The following PGC variants were observed in gnomAD, a reference collection of about 807,000 sequenced individuals.
PGC encodes gastricsin.
PGC carries 31 observed loss-of-function variants against 45.9 expected under a neutral mutation model. The ratio of observed to expected loss-of-function variants is 0.67; its 90% CI spans 0.51 to 0.91. The LOEUF is 0.91. PGC is among the 40% of genes least tolerant of loss of function. The probability of loss-of-function intolerance (pLI) is 0.00; values close to 1 mark genes in which losing one functional copy is unlikely to be tolerated. For missense variants in PGC, 477 were observed against 493.2 expected (o/e 0.97, Z 0.31); for synonymous variants, 192 against 201.8 (o/e 0.95, Z 0.41).
At chr6:41,740,269 G>A (rs1310935595) in intron 6 of PGC, among the ~76,000 whole-genome samples, 1 of 152,190 alleles carries the variant, frequency 6.6e-6, no homozygotes, top group Non-Finnish European at 1.5e-5. Context: ...ATGTTCGGGA[G>A]TCCAGGTCCT....
intron 8 of PGC, 87 bp downstream of exon 8, chr6:41,737,643 A>G: frequency 1.3e-6 from 1 of 772,074 alleles, no homozygotes; most frequent in Non-Finnish European, 2.3e-6. Context: ...AAAATGGCAC[A>G]AGGCAGGAGA....
At position 41,740,603 on chromosome 6, in the gene PGC, C is replaced by G. The variant is rs530427145; in HGVS notation, c.655G>C (p.Gly219Arg). 2 of 1,598,452 alleles carry G rather than the reference C, an allele frequency of 1.3e-6. No individual in the cohort carries two copies. Among genetic ancestry groups the G allele is most frequent in the South Asian group, 2.2e-5 (2 of 88,998 alleles). ...VFSVYLSNQQ[G>R]SSGGAVVFGG... is the part of the protein sequence containing the mutation. ...AAGACAACCGCTCCCCCGCTGGAGC[C>G]CTGCTGGCTGCAGGAGAGAAAGGGA... Residue 219 changes from glycine to arginine, a missense_variant, in exon 6 of 9, where the codon GGC becomes CGC. Transcript: ENST00000373025.
In PGC at chr6:41,736,977, C is replaced by T; in HGVS notation, c.1042G>A (p.Glu348Lys). 11 of 1,613,838 alleles carry T rather than the reference C, an allele frequency of 6.8e-6. No individual in the cohort carries two copies. Among genetic ancestry groups the T allele is most frequent in the East Asian group, 2.2e-5 (1 of 44,876 alleles). ...SNNGYCTVGV[E>K]PTYLSSQNGQ... ...TTCTGGGAGGACAGGTAGGTGGGCT[C>T]GACTCCCACGGTGCAGTAGCCGTTG... is the stretch of plus-strand genomic sequence containing the variant. Residue 348 changes from glutamate to lysine, a missense_variant, in exon 9 of 9, where the codon GAG becomes AAG. Transcript: ENST00000373025.
In PGC at chr6:41,740,996, A is replaced by G. The variant is rs935367536; in HGVS notation, c.648-386T>C. ...CGCCTCAGGCTCCCGAATGATGCTG[A>G]CTTCTGGGGGGTCCCCTAGTGGTTG... On this transcript the variant is annotated intron_variant, in intron 5 of 8. Transcript: ENST00000373025. 13 of 1,528,824 alleles carry G rather than the reference A, an allele frequency of 8.5e-6. No individual in the cohort carries two copies. In the Admixed American group the frequency reaches 2.3e-4, roughly 27 times the overall value. The allele number at this position is 1,528,824 out of a possible 1,614,324, so 94.7% of individuals were successfully genotyped here.
In PGC at chr6:41,737,657, A is replaced by G. The variant is rs116237306; in HGVS notation, c.1014+73T>C. ...GAAAATGGCACAAGGCAGGAGACCC[A>G]GCATTTCTGGCTCCCCAGCCCTTCC... On this transcript the variant is annotated intron_variant, in intron 8 of 8. Coordinates refer to ENST00000373025, the MANE Select transcript of PGC (RefSeq NM_002630.4). The G allele has an allele frequency of 3.6e-3, 3,111 of 864,026 alleles. 65 individuals carry two copies. In the African/African-American group the frequency reaches 0.044, roughly 12 times the overall value. The allele number at this position is 864,026 out of a possible 1,614,324, so 53.5% of individuals were successfully genotyped here. A position where few individuals can be genotyped will look rare whatever the true frequency, so the allele number is the denominator to read the frequency against.
intron 5 of PGC, chr6:41,741,878 A>T (rs80039733): frequency 0.042 from 61,983 of 1,476,246 alleles, 1,572 homozygotes; most frequent in South Asian, 0.078. Flanking sequence ...GAAGCAATAC[A>T]TTACTATGCA....
At position 41,736,920 on chromosome 6, in the gene PGC, A is replaced by G; in HGVS notation, c.1099T>C (p.Phe367Leu). 1 of 1,614,108 alleles carries G rather than the reference A, an allele frequency of 6.2e-7. No homozygotes were observed. Among genetic ancestry groups the G allele is most frequent in the Non-Finnish European group, 8.5e-7 (1 of 1,179,976 alleles). Residue 367 changes from phenylalanine (F) to leucine (L), a missense_variant, in exon 9 of 9, where the codon TTC becomes CTC. Transcript: ENST00000373025. Reference sequence around the variant, plus strand: ...TAGACGGAATAGTAGGACCTGAGGAAGACATCCCCGAGGATCCACAGGGGC... The same window carrying G: ...TAGACGGAATAGTAGGACCTGAGGAGGACATCCCCGAGGATCCACAGGGGC... ...GQPLWILGDV[F>L]LRSYYSVYDL...
At position 41,742,219 on chromosome 6, in the gene PGC, C is replaced by T. The variant is rs906860944; in HGVS notation, c.647+71G>A. On this transcript the variant is annotated intron_variant, in intron 5 of 8. Transcript: ENST00000373025. ...CCTCCAAACCCCAAAGCATTGAGCA[C>T]TGAGCCTCAGTCGTCCAGGGCGGCC... 7.8e-6 allele frequency: 11 copies of T among 1,401,644 alleles called. No individual in the cohort carries two copies. In the African/African-American group the frequency reaches 1.1e-4, roughly 14 times the overall value. 86.8% of individuals were successfully genotyped at this position (1,401,644 alleles called of 1,614,324 possible). A position where few individuals can be genotyped will look rare whatever the true frequency, so the allele number is the denominator to read the frequency against.
intron 5 of PGC, chr6:41,741,032 C>G: frequency 6.5e-7 from 1 of 1,536,958 alleles, no homozygotes; most frequent in Non-Finnish European, 8.7e-7. Flanking sequence ...GGACCCCCAG[C>G]CCACACTCTG....
At chr6:41,741,196 G>A (rs1485483912) in intron 5 of PGC, 1 of 1,528,664 alleles carries the variant, frequency 6.5e-7, no homozygotes, top group Non-Finnish European at 8.8e-7. Flanking sequence ...GGCTTCTCTG[G>A]TAGCTGGAGT....
intron 6 of PGC, 32 bp downstream of exon 6, chr6:41,740,459 G>GC (rs1771800740): frequency 4.4e-6 from 7 of 1,585,562 alleles, no homozygotes; most frequent in Non-Finnish European, 5.1e-6. Context: ...CCAAGGAAGT[G>GC]CCACATCCCC....
Position 41,736,969 on chromosome 6 carries a change from G to T in PGC, c.1050C>A (p.Thr350=). The change falls in exon 9 of 9, where the codon ACC becomes ACA. Residue 350 remains threonine (T), a synonymous_variant. Transcript: ENST00000373025. ...GCTGGCCGTTCTGGGAGGACAGGTA[G>T]GTGGGCTCGACTCCCACGGTGCAGT... The part of the protein sequence containing the change: ...NGYCTVGVEP[T]YLSSQNGQPL... 1.2e-6 allele frequency: 2 copies of T among 1,614,062 alleles called. No individual in the cohort carries two copies. The highest frequency in any genetic ancestry group is 1.7e-6 in the Non-Finnish European group (2 of 1,179,970).
Position 41,742,338 on chromosome 6 carries a change from A to C in PGC, c.599T>G (p.Val200Gly). 3 of 1,614,166 alleles carry C rather than the reference A, an allele frequency of 1.9e-6. No individual in the cohort carries two copies. Among genetic ancestry groups the C allele is most frequent in the Non-Finnish European group, 1.7e-6 (2 of 1,180,036 alleles). Residue 200 changes from valine (V) to glycine (G), a missense_variant, in exon 5 of 9, where the codon GTG becomes GGG. Coordinates refer to ENST00000373025, the MANE Select transcript of PGC (RefSeq NM_002630.4). ...DEATTAMQGM[V>G]QEGALTSPVF... is the part of the protein sequence containing the mutation. ...GGGGCTGGTGAGGGCGCCCTCCTGC[A>C]CCATGCCCTGCATAGCTGTGGTGGC...
Position 41,736,713 on chromosome 6 carries a change from A to C in PGC, c.*139T>G. ...CAAAAACAACAGGATGACCAACATA[A>C]AGAAGAACTATTTATTATTAGAGAA... On this transcript the variant is annotated 3_prime_UTR_variant, in exon 9 of 9. Transcript: ENST00000373025. The C allele has an allele frequency of 2.1e-6, 2 of 949,952 alleles. No homozygotes were observed. The highest frequency in any genetic ancestry group is 1.8e-5 in the Admixed American group (1 of 54,244). 58.8% of individuals were successfully genotyped at this position (949,952 alleles called of 1,614,324 possible). A position where few individuals can be genotyped will look rare whatever the true frequency, so the allele number is the denominator to read the frequency against.
At chr6:41,745,819 G>C (rs1771921692) in intron 1 of PGC, among the ~76,000 whole-genome samples, 1 of 151,266 alleles carries the variant, frequency 6.6e-6, no homozygotes, top group African/African-American at 2.4e-5. Context: ...AAAGTGCTAG[G>C]ATTACAGGCG....
chr6:41,740,066 C>T (rs1410060269), intron 6 of PGC, 120 bp from the exon 7 acceptor site: 2 of 803,994 alleles, frequency 2.5e-6, no homozygotes, highest in Non-Finnish European at 4.0e-6. Context: ...AGTGAGGACC[C>T]TGCAAAGATC....
Position 41,744,135 on chromosome 6 carries a change from T to C in PGC, c.328+262A>G, listed in dbSNP as rs1028131793. ...CCCAGAGTAAACAGAATGGGGAGAG[T>C]GGAATAAAAGGGAGTGGGGAGTTAG... On this transcript the variant is annotated intron_variant, in intron 3 of 8. Coordinates refer to ENST00000373025, the MANE Select transcript of PGC (RefSeq NM_002630.4). The surrounding 1 kb of genome is among the most constrained non-coding windows in gnomAD (Gnocchi z 4.4). Among the ~76,000 whole-genome samples, 2 of 147,584 alleles carry C rather than the reference T, an allele frequency of 1.4e-5. No individual in the cohort carries two copies. The highest frequency in any genetic ancestry group is 5.0e-5 in the African/African-American group (2 of 39,796).
In PGC at chr6:41,742,494, T is replaced by C. The variant is rs777678318; in HGVS notation, c.448-5A>G. On this transcript the variant is annotated splice_polypyrimidine_tract_variant and splice_region_variant and intron_variant, in intron 4 of 8. Coordinates refer to ENST00000373025, the MANE Select transcript of PGC (RefSeq NM_002630.4). ...GGGGACCTGGATGCTCTGGACCTAATGGAGACACAAACGAGGGGAGGTGAC... is the reference window on the plus strand; with the variant it reads ...GGGGACCTGGATGCTCTGGACCTAACGGAGACACAAACGAGGGGAGGTGAC... The C allele has an allele frequency of 1.9e-6, 3 of 1,613,678 alleles. No individual in the cohort carries two copies. Among genetic ancestry groups the C allele is most frequent in the Non-Finnish European group, 2.5e-6 (3 of 1,179,594 alleles).
chr6:41,744,097 T>C lies in PGC; in HGVS notation c.328+300A>G, dbSNP rs1771881475. On this transcript the variant is annotated intron_variant, in intron 3 of 8. Coordinates refer to ENST00000373025, the MANE Select transcript of PGC (RefSeq NM_002630.4). The surrounding 1 kb of genome is among the most constrained non-coding windows in gnomAD (Gnocchi z 4.4). ...TGGACTGGAAATTAGTCACATGGAA[T>C]GGAATGGCACTGCCCAGAGTAAACA... Among the ~76,000 whole-genome samples, 1 of 152,010 alleles carries C rather than the reference T, an allele frequency of 6.6e-6. No individual in the cohort carries two copies. The highest frequency in any genetic ancestry group is 2.4e-5 in the African/African-American group (1 of 41,370).
Sources: allele counts gnomAD v4.1 joint callset (sites outside exome capture counted in the v4.1 genomes callset), GRCh38; gene constraint gnomAD v4.1.1; non-coding constraint Gnocchi (gnomAD v3.1); transcripts MANE v1.5; gene names NCBI Gene and HGNC (gene_info 2026-07-23, HGNC 2026-07-21).